The following SORD variants were observed in gnomAD, a reference collection of about 807,000 sequenced individuals.
SORD encodes sorbitol dehydrogenase.
Under a neutral mutation model 35.6 loss-of-function variants are expected in SORD, and 18 were observed. That is an observed-to-expected ratio of 0.51 (90% CI 0.35 to 0.75). The LOEUF (loss-of-function observed/expected upper bound fraction) is 0.75. Ranked by LOEUF, SORD falls within the 30% of genes least tolerant of loss-of-function variation. The pLI is 0.01. For synonymous variants in SORD, 106 were observed against 152.9 expected (o/e 0.69, Z 2.26); for missense variants, 250 against 390.2 (o/e 0.64, Z 3.03).
chr15:45,051,497 G>C (rs139327543), intron 3 of SORD, among the ~76,000 whole-genome samples: 7 of 152,074 alleles, frequency 4.6e-5, no homozygotes, highest in African/African-American at 1.7e-4. Flanking sequence ...ATATGTTAGC[G>C]GTTCAAAGCA....
intron 3 of SORD, among the ~76,000 whole-genome samples, chr15:45,048,518 G>T (rs1893080242): frequency 6.6e-6 from 1 of 152,112 alleles, no homozygotes; most frequent in Non-Finnish European, 1.5e-5. Flanking sequence ...AGACTAGCCT[G>T]GGGATTTGAG....
intron 3 of SORD, among the ~76,000 whole-genome samples, chr15:45,057,199 T>G (rs1340909611): frequency 6.6e-6 from 1 of 152,254 alleles, no homozygotes; most frequent in East Asian, 1.9e-4. Flanking sequence ...AAAACTGAAT[T>G]GGCTGATATT....
chr15:45,038,848 C>A (rs775146076), intron 1 of SORD, among the ~76,000 whole-genome samples: 12 of 152,130 alleles, frequency 7.9e-5, no homozygotes, highest in Non-Finnish European at 1.5e-4. Flanking sequence ...GACAGTGCCT[C>A]CTCCCAGAGT....
intron 1 of SORD, among the ~76,000 whole-genome samples, chr15:45,028,372 C>T (rs1892714577): frequency 6.6e-6 from 1 of 152,204 alleles, no homozygotes; most frequent in Non-Finnish European, 1.5e-5. Context: ...TCTAAATGCT[C>T]CTCTCAATTT....
At chr15:45,072,699 C>A (rs1166766068) in intron 8 of SORD, among the ~76,000 whole-genome samples, 1 of 141,848 alleles carries the variant, frequency 7.0e-6, no homozygotes, top group Non-Finnish European at 1.5e-5. Context: ...TGCTGCTTAT[C>A]CCCCCCAGGC....
chr15:45,061,846 G>A (rs954520154), intron 4 of SORD, among the ~76,000 whole-genome samples: 29 of 151,934 alleles, frequency 1.9e-4, no homozygotes, highest in Admixed American at 1.2e-3. Context: ...TCCAGCCTGG[G>A]CAACAGACCG....
chr15:45,026,043 G>A (rs1204310438), intron 1 of SORD, among the ~76,000 whole-genome samples: 4 of 152,186 alleles, frequency 2.6e-5, no homozygotes, highest in Admixed American at 6.5e-5. Flanking sequence ...GGCAGAAAGA[G>A]TTGTCAGCAG....
intron 4 of SORD, among the ~76,000 whole-genome samples, chr15:45,062,553 T>C (rs1312310588): frequency 6.6e-6 from 1 of 151,790 alleles, no homozygotes; most frequent in Non-Finnish European, 1.5e-5. Context: ...GATCTGAGTT[T>C]TTCTAGGGCC....
At chr15:45,067,263 G>T (rs1893422257) in intron 5 of SORD, among the ~76,000 whole-genome samples, 2 of 152,170 alleles carry the variant, frequency 1.3e-5, no homozygotes, top group Non-Finnish European at 2.9e-5. Context: ...TTAGGAGGCT[G>T]AGGTGAGAGA....
Position 45,038,144 on chromosome 15 carries a change from C to CTTCT in SORD, c.67-2261_67-2260insTTTC, listed in dbSNP as rs1362422409. Among the ~76,000 whole-genome samples the CTTCT allele has an allele frequency of 1.6e-3, 200 of 125,688 alleles. 1 individual carries two copies. Among genetic ancestry groups the CTTCT allele is most frequent in the African/African-American group, 4.8e-3 (133 of 27,438 alleles). 82.5% of individuals were successfully genotyped at this position (125,688 alleles called of 152,430 possible). A position where few individuals can be genotyped will look rare whatever the true frequency, so the allele number is the denominator to read the frequency against. On this transcript the variant is annotated intron_variant, in intron 1 of 8. Transcript: ENST00000267814. ...GCATCCTCCCTTCCTTCCTTCCTTC[C>CTTCT]TTCCTTCCTTCCTTCCTTCCTTCCT...
At chr15:45,069,653 G>A (rs1428925237) in intron 7 of SORD, among the ~76,000 whole-genome samples, 2 of 152,130 alleles carry the variant, frequency 1.3e-5, no homozygotes, top group African/African-American at 4.8e-5. Flanking sequence ...GATCATATTT[G>A]TTAAAAGTGC....
At chr15:45,051,110 G>T (rs1416737447) in intron 3 of SORD, among the ~76,000 whole-genome samples, 1 of 152,146 alleles carries the variant, frequency 6.6e-6, no homozygotes, top group Non-Finnish European at 1.5e-5. Flanking sequence ...TTTTGAAGAT[G>T]ATTAAAACAA....
chr15:45,026,175 G>A lies in SORD; in HGVS notation c.66+2826G>A, dbSNP rs2437857. 2.2e-4 allele frequency among the ~76,000 whole-genome samples: 33 copies of A among 152,296 alleles called. 1 individual carries two copies. Among genetic ancestry groups the A allele is most frequent in the African/African-American group, 7.0e-4 (29 of 41,566 alleles). On this transcript the variant is annotated intron_variant, in intron 1 of 8. Coordinates refer to ENST00000267814, the MANE Select transcript of SORD (RefSeq NM_003104.6). ...CTCCACAGTGCCCAACCCAGACCCCGAGTGTGGTATCACTGCTCCTCCATC... is the reference window on the plus strand; with the variant it reads ...CTCCACAGTGCCCAACCCAGACCCCAAGTGTGGTATCACTGCTCCTCCATC...
chr15:45,025,418 G>A (rs866243101), intron 1 of SORD, among the ~76,000 whole-genome samples: 5 of 151,950 alleles, frequency 3.3e-5, no homozygotes, highest in South Asian at 2.1e-4. Flanking sequence ...TAGGCAGATC[G>A]CTTGAGGTCT....
At chr15:45,041,299 C>T (rs1035719526) in intron 2 of SORD, among the ~76,000 whole-genome samples, 1 of 152,068 alleles carries the variant, frequency 6.6e-6, no homozygotes, top group Non-Finnish European at 1.5e-5. Context: ...TGGAATTCCA[C>T]TTTGTCATAA....
intron 3 of SORD, among the ~76,000 whole-genome samples, chr15:45,044,702 CTTTTT>C (rs58726175): frequency 8.7e-6 from 1 of 114,498 alleles, no homozygotes. Context: ...CTTTCTTTTT[CTTTTT>C]TTTTTTTTTT....
chr15:45,041,517 C>T (rs1186646095), intron 2 of SORD, among the ~76,000 whole-genome samples: 3 of 152,108 alleles, frequency 2.0e-5, no homozygotes, highest in Non-Finnish European at 4.4e-5. Flanking sequence ...AGATCCACAG[C>T]TTTGCTACTG....
At position 45,030,801 on chromosome 15, in the gene SORD, T is replaced by G. The variant is rs1892768056; in HGVS notation, c.66+7452T>G. Among the ~76,000 whole-genome samples the G allele has an allele frequency of 1.3e-5, 2 of 151,950 alleles. 1 individual carries two copies. Among genetic ancestry groups the G allele is most frequent in the Non-Finnish European group, 2.9e-5 (2 of 67,946 alleles). On this transcript the variant is annotated intron_variant, in intron 1 of 8. Transcript: ENST00000267814. ...GAGAAGTGCAAAGGAGAGAAAGGAG[T>G]CACCTCTCCAGCCTGGTGAGGACAG... is the stretch of plus-strand genomic sequence containing the variant.
intron 1 of SORD, among the ~76,000 whole-genome samples, chr15:45,035,859 C>T (rs915483510): frequency 2.0e-5 from 3 of 147,254 alleles, no homozygotes; most frequent in Non-Finnish European, 4.5e-5. Context: ...CAGCTTCACT[C>T]CTGAGCCAGC....
Sources: gnomAD v4.1 joint callset for allele counts (sites outside exome capture counted in the v4.1 genomes callset) on GRCh38, gnomAD v4.1.1 for gene constraint, MANE v1.5 for transcripts, NCBI Gene and HGNC (gene_info 2026-07-23, HGNC 2026-07-21) for gene names.